Variants in DDX10 observed in about 807,000 individuals in gnomAD.
DDX10 encodes probable ATP-dependent RNA helicase DDX10.
In DDX10, 74 loss-of-function variants were observed where a neutral mutation model predicts 104.3. The observed-to-expected ratio is 0.71, with a 90% CI of 0.59 to 0.86. The LOEUF (loss-of-function observed/expected upper bound fraction) is 0.86. Among genes scored for constraint, DDX10 ranks in the 40% least tolerant of loss-of-function variants. The pLI is 0.00. For synonymous variants in DDX10, 351 were observed against 353.4 expected (o/e 0.99, Z 0.08); for missense variants, 952 against 1,040.0 (o/e 0.92, Z 1.16).
intron 13 of DDX10, among the ~76,000 whole-genome samples, chr11:108,807,590 A>C (rs539451846): frequency 9.9e-5 from 15 of 152,222 alleles, no homozygotes; most frequent in Non-Finnish European, 1.8e-4. Flanking sequence ...TGAAAGTAGC[A>C]GACTGTGGTG....
At chr11:108,783,814 C>T (rs1861745808) in intron 13 of DDX10, among the ~76,000 whole-genome samples, 1 of 152,122 alleles carries the variant, frequency 6.6e-6, no homozygotes, top group Admixed American at 6.6e-5. Flanking sequence ...CGCCCCTTTT[C>T]CTCTCTCCCG....
chr11:108,857,449 A>C (rs949392562), intron 16 of DDX10, among the ~76,000 whole-genome samples: 1 of 152,106 alleles, frequency 6.6e-6, no homozygotes, highest in African/African-American at 2.4e-5. Flanking sequence ...CTGCTTTTGG[A>C]ACTACTCCCG....
In DDX10 at chr11:108,877,483, T is replaced by C. The variant is rs979905451; in HGVS notation, c.2304+25274T>C. Reference sequence around the variant, plus strand: ...AATCTCAATCACACTTAGAAGCCTATTGTTACAGCATAGTTGCTGTAAAGA... The same window carrying C: ...AATCTCAATCACACTTAGAAGCCTACTGTTACAGCATAGTTGCTGTAAAGA... On this transcript the variant is annotated intron_variant, in intron 16 of 17. Coordinates refer to ENST00000322536, the MANE Select transcript of DDX10 (RefSeq NM_004398.4). Among the ~76,000 whole-genome samples, 3 of 152,210 alleles carry C rather than the reference T, an allele frequency of 2.0e-5. No individual in the cohort carries two copies. The East Asian group carries it at 5.8e-4, about 29-fold the overall frequency.
At chr11:108,880,130 C>T (rs1052962402) in intron 16 of DDX10, among the ~76,000 whole-genome samples, 6 of 152,150 alleles carry the variant, frequency 3.9e-5, no homozygotes, top group African/African-American at 1.4e-4. Flanking sequence ...GTTTTGTAAG[C>T]CAGAAGTCCA....
At chr11:108,895,575 C>G (rs1173468995) in intron 16 of DDX10, among the ~76,000 whole-genome samples, 1 of 152,012 alleles carries the variant, frequency 6.6e-6, no homozygotes, top group Non-Finnish European at 1.5e-5. Flanking sequence ...AATACCTTCT[C>G]TATATCTTTA....
At chr11:108,802,186 G>T (rs1470974923) in intron 13 of DDX10, among the ~76,000 whole-genome samples, 1 of 151,892 alleles carries the variant, frequency 6.6e-6, no homozygotes, top group Middle Eastern at 3.2e-3. Context: ...TTTGGGTTTT[G>T]GATTTTTTTT....
At chr11:108,910,094 G>A (rs1363341033) in intron 16 of DDX10, among the ~76,000 whole-genome samples, 1 of 150,792 alleles carries the variant, frequency 6.6e-6, no homozygotes, top group Non-Finnish European at 1.5e-5. Context: ...AAAAAAAAAG[G>A]CTTGGGGGCC....
intron 16 of DDX10, among the ~76,000 whole-genome samples, chr11:108,885,616 C>G (rs1284852481): frequency 1.3e-5 from 2 of 152,060 alleles, no homozygotes; most frequent in Non-Finnish European, 2.9e-5. Context: ...CTTGGGTGAT[C>G]CACCCTCCTC....
At chr11:108,702,629 C>A (rs1040037193) in intron 9 of DDX10, among the ~76,000 whole-genome samples, 18 of 152,214 alleles carry the variant, frequency 1.2e-4, no homozygotes, top group Non-Finnish European at 2.4e-4. Flanking sequence ...AAGGTTATTT[C>A]AGTGGAAGAA....
intron 16 of DDX10, among the ~76,000 whole-genome samples, chr11:108,881,135 A>G (rs1392259560): frequency 6.6e-6 from 1 of 152,198 alleles, no homozygotes; most frequent in African/African-American, 2.4e-5. Context: ...ACAGTATTAA[A>G]AAGGATTCAG....
intron 13 of DDX10, among the ~76,000 whole-genome samples, chr11:108,746,326 C>G (rs891772825): frequency 6.6e-6 from 1 of 151,432 alleles, no homozygotes; most frequent in African/African-American, 2.4e-5. Flanking sequence ...GATTCTTTCA[C>G]TTAGTATGTT....
Position 108,704,875 on chromosome 11 carries a change from A to G in DDX10, c.1224-1864A>G, listed in dbSNP as rs533216235. ...AGATGAAAGTATCCACTGGACTCTCAAATGGTGCCTTATCCCATGGAAAAC... is the reference window on the plus strand; with the variant it reads ...AGATGAAAGTATCCACTGGACTCTCGAATGGTGCCTTATCCCATGGAAAAC... On this transcript the variant is annotated intron_variant, in intron 9 of 17. Coordinates refer to ENST00000322536, the MANE Select transcript of DDX10 (RefSeq NM_004398.4). Among the ~76,000 whole-genome samples, 6 of 152,330 alleles carry G rather than the reference A, an allele frequency of 3.9e-5. No individual in the cohort carries two copies. The East Asian group carries it at 7.7e-4, about 20-fold the overall frequency.
intron 17 of DDX10, chr11:108,918,619 A>G (rs1340632718): frequency 6.6e-6 from 1 of 152,132 alleles, no homozygotes. Context: ...TGAGACCCCA[A>G]ATCTACAAAA....
At chr11:108,726,382 T>G (rs2094305484) in intron 13 of DDX10, among the ~76,000 whole-genome samples, 1 of 152,134 alleles carries the variant, frequency 6.6e-6, no homozygotes, top group Admixed American at 6.5e-5. Context: ...TTTTTAGCAT[T>G]GCTTTATAAC....
At chr11:108,746,948 C>A (rs569016863) in intron 13 of DDX10, among the ~76,000 whole-genome samples, 1 of 152,208 alleles carries the variant, frequency 6.6e-6, no homozygotes, top group African/African-American at 2.4e-5. Context: ...AGACTTGAAT[C>A]TTGAAGAAAA....
Position 108,739,497 on chromosome 11 carries a change from G to A in DDX10, c.1965+16035G>A, listed in dbSNP as rs193208584. On this transcript the variant is annotated intron_variant, in intron 13 of 17. Coordinates refer to ENST00000322536, the MANE Select transcript of DDX10 (RefSeq NM_004398.4). ...ATACTGTATACTTTTATGAAGGTAA[G>A]GAATATATATTATTCATTTTTGGGT... is the stretch of plus-strand genomic sequence containing the variant. 3.3e-5 allele frequency among the ~76,000 whole-genome samples: 5 copies of A among 152,244 alleles called. No homozygotes were observed. The East Asian group carries it at 9.6e-4, about 29-fold the overall frequency.
At chr11:108,737,321 AT>A (rs1465020877) in intron 13 of DDX10, among the ~76,000 whole-genome samples, 2 of 152,082 alleles carry the variant, frequency 1.3e-5, no homozygotes, top group Non-Finnish European at 2.9e-5. Flanking sequence ...ATCTCTGGAA[AT>A]TTTTTCCCCT....
intron 13 of DDX10, among the ~76,000 whole-genome samples, chr11:108,834,122 AT>A (rs544463476): frequency 0.011 from 1,588 of 139,310 alleles, 2 homozygotes; most frequent in East Asian, 0.026. Context: ...AGCCTGGCTA[AT>A]TTTTTTTTTT....
chr11:108,666,563 A>C (rs1413756707), intron 1 of DDX10, among the ~76,000 whole-genome samples: 1 of 152,194 alleles, frequency 6.6e-6, no homozygotes, highest in Non-Finnish European at 1.5e-5. Flanking sequence ...AATCAGTTTC[A>C]CTGGGCCAAA....
Sources: gnomAD v4.1 joint callset for allele counts (sites outside exome capture counted in the v4.1 genomes callset) on GRCh38, gnomAD v4.1.1 for gene constraint, MANE v1.5 for transcripts, NCBI Gene and HGNC (gene_info 2026-07-23, HGNC 2026-07-21) for gene names.